Variants in FBXL17 observed in about 807,000 individuals in gnomAD.
FBXL17 encodes the protein F-box and leucine rich repeat protein 17.
FBXL17 carries 22 observed loss-of-function variants against 66.2 expected under a neutral mutation model. That is an observed-to-expected ratio of 0.33 (90% CI 0.24 to 0.47). The LOEUF (loss-of-function observed/expected upper bound fraction) is 0.47. Among genes scored for constraint, FBXL17 ranks in the 20% least tolerant of loss-of-function variants. The probability of loss-of-function intolerance (pLI) is 1.00; values close to 1 mark genes in which losing one functional copy is unlikely to be tolerated. For synonymous variants in FBXL17, 474 were observed against 400.5 expected (o/e 1.18, Z -2.19); for missense variants, 878 against 948.2 (o/e 0.93, Z 0.97).
intron 5 of FBXL17, among the ~76,000 whole-genome samples, chr5:108,205,884 TC>T (rs2150054335): frequency 6.6e-6 from 1 of 152,032 alleles, no homozygotes; most frequent in South Asian, 2.1e-4. Flanking sequence ...TTACAGTCAC[TC>T]CCCACCCTGC....
chr5:108,371,918 C>A (rs1316253520), intron 1 of FBXL17, among the ~76,000 whole-genome samples: 1 of 152,134 alleles, frequency 6.6e-6, no homozygotes, highest in Non-Finnish European at 1.5e-5. Context: ...CAAGAGCCCA[C>A]TAGTACCAAA....
chr5:108,241,806 A>G (rs1473508285), intron 4 of FBXL17, among the ~76,000 whole-genome samples: 1 of 152,226 alleles, frequency 6.6e-6, no homozygotes, highest in Non-Finnish European at 1.5e-5. Flanking sequence ...TGGAGCTCCA[A>G]TACGTCCGTA....
intron 5 of FBXL17, among the ~76,000 whole-genome samples, chr5:108,193,448 G>A (rs577165294): frequency 6.6e-6 from 1 of 152,286 alleles, no homozygotes; most frequent in South Asian, 2.1e-4. Flanking sequence ...TGCTGGGAAT[G>A]AAAAGAAAAG....
At chr5:108,151,571 G>A (rs1264525724) in intron 6 of FBXL17, among the ~76,000 whole-genome samples, 1 of 152,134 alleles carries the variant, frequency 6.6e-6, no homozygotes, top group Admixed American at 6.5e-5. Context: ...TCAAGGCAGA[G>A]CACAGCCATC....
At chr5:108,348,555 A>G (rs1747427565) in intron 3 of FBXL17, 25 bp from the exon 4 acceptor site, 1 of 1,588,576 alleles carries the variant, frequency 6.3e-7, no homozygotes, top group Non-Finnish European at 8.6e-7. Flanking sequence ...ATTTAGCTGA[A>G]TGCTCAAAAA....
At chr5:108,305,800 G>C (rs1015745794) in intron 4 of FBXL17, among the ~76,000 whole-genome samples, 5 of 152,090 alleles carry the variant, frequency 3.3e-5, no homozygotes, top group African/African-American at 1.2e-4. Flanking sequence ...CTTTGAAACT[G>C]TTTTGAACAA....
At chr5:108,303,722 T>C (rs1468826621) in intron 4 of FBXL17, among the ~76,000 whole-genome samples, 2 of 151,918 alleles carry the variant, frequency 1.3e-5, no homozygotes, top group Non-Finnish European at 2.9e-5. Context: ...AATATTTTAA[T>C]AATAATTTAA....
chr5:108,232,794 T>TATATATATAAA (rs1755416720), intron 4 of FBXL17, among the ~76,000 whole-genome samples: 1 of 124,852 alleles, frequency 8.0e-6, no homozygotes, highest in African/African-American at 3.2e-5. Flanking sequence ...TATATATATA[T>TATATATATAAA]ATATATATAT....
chr5:107,992,639 AT>A (rs1014978804), intron 7 of FBXL17, among the ~76,000 whole-genome samples: 2 of 152,176 alleles, frequency 1.3e-5, no homozygotes, highest in Non-Finnish European at 2.9e-5. Flanking sequence ...CATTTTAAAA[AT>A]TTTTTTATCA....
chr5:108,324,959 C>CA (rs1759782546), intron 4 of FBXL17, among the ~76,000 whole-genome samples: 1 of 151,990 alleles, frequency 6.6e-6, no homozygotes, highest in Non-Finnish European at 1.5e-5. Context: ...CTAGAGGAAT[C>CA]AAAGTCAGAA....
chr5:107,861,959 A>C, intron 8 of FBXL17, 99 bp from the exon 9 acceptor site: 2 of 1,278,378 alleles, frequency 1.6e-6, no homozygotes, highest in Non-Finnish European at 2.0e-6. Flanking sequence ...CTGTGACACG[A>C]AGAGCCCTCG....
At position 108,381,441 on chromosome 5, in the gene FBXL17, G is replaced by T. The variant is rs1009598235; in HGVS notation, c.251C>A (p.Pro84Gln). The T allele has an allele frequency of 7.6e-7, 1 of 1,315,686 alleles. No homozygotes were observed. Among genetic ancestry groups the T allele is most frequent in the Non-Finnish European group, 9.6e-7 (1 of 1,040,122 alleles). The allele number at this position is 1,315,686 out of a possible 1,614,324, so 81.5% of individuals were successfully genotyped here. The change falls in exon 1 of 9, where the codon CCG (proline) becomes CAG (glutamine). Residue 84 changes from proline (P) to glutamine (Q), a missense_variant. Transcript: ENST00000542267. ...AGPEEEPPLS[P>Q]PPRDGAYAAA... is the part of the protein sequence containing the mutation. Reference sequence around the variant, plus strand: ...AGCGTAGGCCCCGTCCCGCGGCGGCGGCGAGAGCGGCGGCTCCTCCTCTGG... The same window carrying T: ...AGCGTAGGCCCCGTCCCGCGGCGGCTGCGAGAGCGGCGGCTCCTCCTCTGG...
At chr5:107,926,085 T>C (rs1033342423) in intron 7 of FBXL17, among the ~76,000 whole-genome samples, 1 of 152,204 alleles carries the variant, frequency 6.6e-6, no homozygotes, top group African/African-American at 2.4e-5. Context: ...AGGTAGATAG[T>C]ACTGAAGGCA....
intron 7 of FBXL17, among the ~76,000 whole-genome samples, chr5:107,882,436 T>C (rs1226360868): frequency 2.0e-5 from 3 of 152,160 alleles, no homozygotes; most frequent in Non-Finnish European, 4.4e-5. Context: ...TTAATGTTTA[T>C]AAAAACAACA....
chr5:107,880,597 T>C, intron 8 of FBXL17: 1 of 1,069,946 alleles, frequency 9.3e-7, no homozygotes. Context: ...AATACATAGA[T>C]GTTCAGTACC....
At chr5:107,995,739 T>G (rs1753443190) in intron 7 of FBXL17, among the ~76,000 whole-genome samples, 1 of 148,442 alleles carries the variant, frequency 6.7e-6, no homozygotes, top group African/African-American at 2.4e-5. Flanking sequence ...ATAAATAACA[T>G]TAAATAAATT....
intron 3 of FBXL17, among the ~76,000 whole-genome samples, chr5:108,360,233 C>G (rs1748258371): frequency 6.6e-6 from 1 of 152,072 alleles, no homozygotes; most frequent in Admixed American, 6.6e-5. Flanking sequence ...TTATTTCAGC[C>G]TGGAGGACTC....
At chr5:108,000,392 T>C (rs1753673289) in intron 7 of FBXL17, among the ~76,000 whole-genome samples, 1 of 152,196 alleles carries the variant, frequency 6.6e-6, no homozygotes, top group Non-Finnish European at 1.5e-5. Context: ...GCAGCAGTAC[T>C]ATAAAAAACT....
chr5:107,975,858 T>TTGG (rs1554053912), intron 7 of FBXL17, among the ~76,000 whole-genome samples: 4 of 76,114 alleles, frequency 5.3e-5, no homozygotes, highest in East Asian at 3.7e-4. Context: ...GTTGTTGTTG[T>TTGG]TTTTTTTTTT....
Sources: gnomAD v4.1 joint callset for allele counts (sites outside exome capture counted in the v4.1 genomes callset) on GRCh38, gnomAD v4.1.1 for gene constraint, MANE v1.5 for transcripts, NCBI Gene and HGNC (gene_info 2026-07-23, HGNC 2026-07-21) for gene names.